Variants in SYTL3 observed in about 807,000 individuals in gnomAD.
SYTL3 encodes synaptotagmin-like protein 3.
Under a neutral mutation model 82.1 loss-of-function variants are expected in SYTL3, and 88 were observed. The ratio of observed to expected loss-of-function variants is 1.07; its 90% CI spans 0.90 to 1.28. The LOEUF is 1.28. SYTL3 is among the 50% of genes most tolerant of loss of function. The pLI is 0.00. For missense variants in SYTL3, 831 were observed against 757.6 expected (o/e 1.10, Z -1.14); for synonymous variants, 311 against 289.4 (o/e 1.07, Z -0.76).
chr6:158,758,896 G>A (rs929330940), intron 14 of SYTL3, among the ~76,000 whole-genome samples: 8 of 152,178 alleles, frequency 5.3e-5, no homozygotes, highest in African/African-American at 1.9e-4. Flanking sequence ...TAGCCTCAGT[G>A]TCCCTTTGCT....
intron 11 of SYTL3, among the ~76,000 whole-genome samples, chr6:158,736,801 A>AG (rs915740324): frequency 1.3e-5 from 2 of 151,774 alleles, no homozygotes; most frequent in African/African-American, 4.8e-5. Flanking sequence ...AAAAAAAAAA[A>AG]AAAAAGTAGA....
At position 158,682,516 on chromosome 6, in the gene SYTL3, T is replaced by A. The variant is rs59497536; in HGVS notation, c.330-409T>A. Reference sequence around the variant, plus strand: ...CTGGGACTACAGGTGCCCGCCACCATGCCTGGCTAATTTTTTGTATTTTTA... The same window carrying A: ...CTGGGACTACAGGTGCCCGCCACCAAGCCTGGCTAATTTTTTGTATTTTTA... On this transcript the variant is annotated intron_variant, in intron 5 of 17. Coordinates refer to ENST00000611299, the MANE Select transcript of SYTL3 (RefSeq NM_001242394.2). 8.8e-3 allele frequency among the ~76,000 whole-genome samples: 1,331 copies of A among 151,912 alleles called. 25 individuals carry two copies. Among genetic ancestry groups the A allele is most frequent in the African/African-American group, 0.03 (1,238 of 41,388 alleles).
At chr6:158,739,700 G>A (rs551604844) in intron 11 of SYTL3, among the ~76,000 whole-genome samples, 1 of 151,982 alleles carries the variant, frequency 6.6e-6, no homozygotes, top group Non-Finnish European at 1.5e-5. Flanking sequence ...GGCTTAGCAG[G>A]AGCACCCACT....
chr6:158,722,728 CAG>C (rs980594262), intron 10 of SYTL3, among the ~76,000 whole-genome samples: 7 of 142,668 alleles, frequency 4.9e-5, no homozygotes, highest in Non-Finnish European at 1.1e-4. Context: ...GAACTGAGGA[CAG>C]AGGTGGAGGA....
chr6:158,662,640 G>A (rs571154581), intron 3 of SYTL3, 110 bp from the exon 4 acceptor site: 14 of 152,268 alleles, frequency 9.2e-5, no homozygotes, highest in African/African-American at 3.1e-4. Flanking sequence ...TTATCACCGC[G>A]AGCAGAAAAT....
intron 6 of SYTL3, among the ~76,000 whole-genome samples, chr6:158,706,657 T>TG (rs1219183183): frequency 6.6e-6 from 1 of 152,168 alleles, no homozygotes; most frequent in African/African-American, 2.4e-5. Context: ...ACTGGGAACA[T>TG]GCTGAGTTTT....
intron 6 of SYTL3, among the ~76,000 whole-genome samples, chr6:158,692,787 A>G (rs1192790766): frequency 6.6e-6 from 1 of 151,316 alleles, no homozygotes; most frequent in Non-Finnish European, 1.5e-5. Flanking sequence ...AAAAAAAAAA[A>G]AAAAATACAA....
At chr6:158,748,139 T>C (rs992869252) in intron 12 of SYTL3, among the ~76,000 whole-genome samples, 7 of 151,722 alleles carry the variant, frequency 4.6e-5, no homozygotes, top group African/African-American at 1.7e-4. Flanking sequence ...TTTCTATATA[T>C]AGTTTAAGGC....
In SYTL3 at chr6:158,757,399, A is replaced by G; in HGVS notation, c.1308+18A>G. 2 of 1,612,286 alleles carry G rather than the reference A, an allele frequency of 1.2e-6. No homozygotes were observed. The highest frequency in any genetic ancestry group is 1.7e-6 in the Non-Finnish European group (2 of 1,178,998). On this transcript the variant is annotated intron_variant, in intron 14 of 17. Coordinates refer to ENST00000611299, the MANE Select transcript of SYTL3 (RefSeq NM_001242394.2). The stretch of plus-strand genomic sequence containing the variant: ...GGGCCAAGGTGATGTCTGGTTTTGG[A>G]CTGAGTGCCCTCCATCCCCACTGTG...
intron 14 of SYTL3, among the ~76,000 whole-genome samples, chr6:158,759,718 G>A (rs1285128519): frequency 6.6e-6 from 1 of 152,038 alleles, no homozygotes; most frequent in Non-Finnish European, 1.5e-5. Flanking sequence ...ATTTTTGGTA[G>A]ACATGGGGTT....
chr6:158,657,008 A>T (rs1032584824), intron 2 of SYTL3, among the ~76,000 whole-genome samples: 7 of 152,206 alleles, frequency 4.6e-5, no homozygotes, highest in African/African-American at 1.7e-4. Context: ...ACCAGAATTT[A>T]AATCTGTAAA....
intron 13 of SYTL3, among the ~76,000 whole-genome samples, chr6:158,757,000 A>AC (rs55885095): frequency 0.17 from 24,487 of 141,792 alleles, 2,305 homozygotes; most frequent in Non-Finnish European, 0.22. Flanking sequence ...CAGAGAGAGG[A>AC]CCCCCCCGCC....
intron 5 of SYTL3, 40 bp from the exon 6 acceptor site, chr6:158,682,885 T>C (rs1380561686): frequency 2.0e-6 from 3 of 1,518,702 alleles, no homozygotes; most frequent in Non-Finnish European, 1.8e-6. Flanking sequence ...ACTATTCATA[T>C]CTTCTCTCTC....
intron 8 of SYTL3, among the ~76,000 whole-genome samples, chr6:158,710,060 A>G (rs1481125308): frequency 3.3e-5 from 5 of 152,182 alleles, no homozygotes; most frequent in Non-Finnish European, 5.9e-5. Flanking sequence ...AACAAAAACC[A>G]TGACAGAACA....
rs146269919 is a variant in SYTL3 at position 158,657,082 on chromosome 6, T to C, written c.-636-4187T>C. On this transcript the variant is annotated intron_variant, in intron 2 of 17. Coordinates refer to ENST00000611299, the MANE Select transcript of SYTL3 (RefSeq NM_001242394.2). ...AGTTATCTCTGATCTTCCTGGTACT[T>C]ACTATAGGCTCATTCAGTTTACTAA... Among the ~76,000 whole-genome samples, 437 of 152,264 alleles carry C rather than the reference T, an allele frequency of 2.9e-3. 2 individuals are homozygous for C. The highest frequency in any genetic ancestry group is 9.5e-3 in the African/African-American group (394 of 41,558).
intron 16 of SYTL3, among the ~76,000 whole-genome samples, 156 bp from the exon 17 acceptor site, chr6:158,763,148 C>T (rs149287745): frequency 2.8e-4 from 43 of 152,342 alleles, no homozygotes; most frequent in African/African-American, 8.4e-4. Context: ...GGAAATGTGC[C>T]GAGTCCTGTG....
chr6:158,645,274 AC>A (rs976128860), upstream of SYTL3, among the ~76,000 whole-genome samples: 29 of 152,262 alleles, frequency 1.9e-4, no homozygotes, highest in African/African-American at 6.3e-4. Flanking sequence ...TTAAAAAAAA[AC>A]ATTTTGGGTG....
chr6:158,656,582 G>A (rs1228745290), intron 2 of SYTL3, among the ~76,000 whole-genome samples: 1 of 152,100 alleles, frequency 6.6e-6, no homozygotes, highest in South Asian at 2.1e-4. Context: ...AAAATTAGCC[G>A]GGCATGGTGG....
At chr6:158,763,082 A>G (rs1562478361) in intron 16 of SYTL3, among the ~76,000 whole-genome samples, 1 of 152,232 alleles carries the variant, frequency 6.6e-6, no homozygotes, top group Non-Finnish European at 1.5e-5. Flanking sequence ...GATGAGGGCC[A>G]CGAGGCCTCA....
Sources: allele counts gnomAD v4.1 joint callset (sites outside exome capture counted in the v4.1 genomes callset), GRCh38; gene constraint gnomAD v4.1.1; transcripts MANE v1.5; gene names NCBI Gene and HGNC (gene_info 2026-07-23, HGNC 2026-07-21).